Variants in PACSIN2 observed in about 807,000 individuals in gnomAD.
PACSIN2 encodes the protein protein kinase C and casein kinase substrate in neurons protein 2.
A neutral mutation model predicts 63.8 loss-of-function variants in PACSIN2; 25 were observed. The observed-to-expected ratio is 0.39, with a 90% CI of 0.29 to 0.55. PACSIN2 has a LOEUF of 0.55. PACSIN2 is among the 20% of genes least tolerant of loss of function. PACSIN2 has a pLI of 0.62. For missense variants in PACSIN2, 518 were observed against 646.9 expected (o/e 0.80, Z 2.16); for synonymous variants, 255 against 256.2 (o/e 1.00, Z 0.05).
In PACSIN2 at chr22:42,871,385, G is replaced by A. The variant is rs1354343021; in HGVS notation, c.1433C>T (p.Pro478Leu). The A allele has an allele frequency of 6.2e-7, 1 of 1,613,756 alleles. No individual in the cohort carries two copies. The highest frequency in any genetic ancestry group is 8.5e-7 in the Non-Finnish European group (1 of 1,179,670). ...RLDNGQVGLY[P>L]ANYVEAIQ ...CTGGATCGCCTCCACATAATTTGCC[G>A]GGTATAGGCCAACTTGCCCGTTGTC... The change falls in exon 11 of 11, where the codon CCG (proline) becomes CTG (leucine). Residue 478 changes from proline (P) to leucine (L), a missense_variant. By Grantham distance (98) the Pro-to-Leu change is moderately conservative (BLOSUM62 -3). Transcript: ENST00000263246. This position sits in a 1 kb window ranked among gnomAD's most constrained non-coding sequence, Gnocchi z 5.4.
chr22:42,983,964 C>CT (rs532427677), intron 1 of PACSIN2, among the ~76,000 whole-genome samples: 1,468 of 104,546 alleles, frequency 0.014, 29 homozygotes, highest in Non-Finnish European at 0.019. Flanking sequence ...GCACTTAGCA[C>CT]TTTTTTTTTT....
At chr22:42,872,387 G>C (rs1367140026) in intron 10 of PACSIN2, among the ~76,000 whole-genome samples, 1 of 152,248 alleles carries the variant, frequency 6.6e-6, no homozygotes, top group Non-Finnish European at 1.5e-5. Context: ...ACCTCGTCAG[G>C]AGCAAGCAAT....
intron 1 of PACSIN2, among the ~76,000 whole-genome samples, chr22:42,964,507 G>A (rs572910415): frequency 3.3e-5 from 5 of 152,002 alleles, no homozygotes; most frequent in South Asian, 4.2e-4. Context: ...GCAGTTCTGC[G>A]CTCGCCTCAG....
intron 2 of PACSIN2, among the ~76,000 whole-genome samples, chr22:42,902,766 A>G (rs919421486): frequency 2.6e-5 from 4 of 152,128 alleles, no homozygotes; most frequent in Admixed American, 2.6e-4. Flanking sequence ...GACATGCACC[A>G]CCACGCCTGG....
chr22:42,930,303 T>C (rs1314807350), intron 1 of PACSIN2, among the ~76,000 whole-genome samples: 1 of 152,232 alleles, frequency 6.6e-6, no homozygotes, highest in Non-Finnish European at 1.5e-5. Context: ...CTGCTACCTG[T>C]GCTCTCTGCC....
At chr22:42,999,398 G>C (rs1310568598) in intron 1 of PACSIN2, among the ~76,000 whole-genome samples, 1 of 152,196 alleles carries the variant, frequency 6.6e-6, no homozygotes, top group Non-Finnish European at 1.5e-5. Context: ...GGCCAGGCGT[G>C]GTGGCTCATG....
At chr22:42,897,103 A>C (rs1488643508) in intron 2 of PACSIN2, among the ~76,000 whole-genome samples, 1 of 151,808 alleles carries the variant, frequency 6.6e-6, no homozygotes, top group Non-Finnish European at 1.5e-5. Flanking sequence ...CACCTGGCTA[A>C]TTTTTGTATT....
chr22:42,924,105 T>A (rs1307999259), intron 1 of PACSIN2, among the ~76,000 whole-genome samples: 2 of 150,174 alleles, frequency 1.3e-5, no homozygotes, highest in Non-Finnish European at 3.0e-5. Flanking sequence ...GGCCCCATAC[T>A]AGAAGGAAGG....
At chr22:42,942,919 T>C (rs1412212173) in intron 1 of PACSIN2, among the ~76,000 whole-genome samples, 2 of 152,246 alleles carry the variant, frequency 1.3e-5, no homozygotes, top group Non-Finnish European at 2.9e-5. Flanking sequence ...ACAGGGATTT[T>C]AGAATTGGCT....
Position 42,891,146 on chromosome 22 carries a change from G to C in PACSIN2, c.254C>G (p.Ala85Gly). 1.2e-6 allele frequency: 2 copies of C among 1,613,988 alleles called. No individual in the cohort carries two copies. Among genetic ancestry groups the C allele is most frequent in the South Asian group, 1.1e-5 (1 of 91,072 alleles). The stretch of plus-strand genomic sequence containing the variant: ...CACCCTCTCTGCCTCGGACATGAAG[G>C]CCATCCAGGCCTTCTCCACGGTCCC... ...QYGTVEKAWM[A>G]FMSEAERVSE... is the part of the protein sequence containing the mutation. The change falls in exon 4 of 11, where the codon GCC becomes GGC. Residue 85 changes from alanine (A) to glycine (G), a missense_variant. This residue lies in a region of PACSIN2 where 507 missense variants were observed against 612.3 expected (regional missense o/e 0.83). Transcript: ENST00000263246.
At chr22:42,967,664 G>C (rs1045692340) in intron 1 of PACSIN2, among the ~76,000 whole-genome samples, 3 of 152,136 alleles carry the variant, frequency 2.0e-5, no homozygotes, top group African/African-American at 7.2e-5. Context: ...CGAGGCGGGC[G>C]GATCACGAGG....
At chr22:42,951,623 C>T (rs898782136) in intron 1 of PACSIN2, among the ~76,000 whole-genome samples, 2 of 152,194 alleles carry the variant, frequency 1.3e-5, no homozygotes, top group African/African-American at 4.8e-5. Flanking sequence ...CAGTGTCATC[C>T]CTGACTCCTC....
intron 1 of PACSIN2, among the ~76,000 whole-genome samples, chr22:42,941,755 G>A (rs1173035031): frequency 1.3e-5 from 2 of 152,054 alleles, no homozygotes; most frequent in Non-Finnish European, 2.9e-5. Context: ...TTATTGCTGA[G>A]TTTGGGGTTT....
chr22:42,998,668 C>A (rs73889015), intron 1 of PACSIN2, among the ~76,000 whole-genome samples: 1 of 152,124 alleles, frequency 6.6e-6, no homozygotes, highest in Non-Finnish European at 1.5e-5. Flanking sequence ...GATACAAACA[C>A]GAGGCAGAAG....
At chr22:42,909,221 G>A (rs774040998) in intron 2 of PACSIN2, among the ~76,000 whole-genome samples, 16 of 152,138 alleles carry the variant, frequency 1.1e-4, no homozygotes, top group Non-Finnish European at 1.8e-4. Context: ...GACCTGCCTA[G>A]TGTCTACCTT....
chr22:42,897,749 G>A (rs1331796103), intron 2 of PACSIN2, among the ~76,000 whole-genome samples: 1 of 152,202 alleles, frequency 6.6e-6, no homozygotes, highest in East Asian at 1.9e-4. Context: ...TAGGAGGAGG[G>A]GGTGAGAGGT....
intron 1 of PACSIN2, among the ~76,000 whole-genome samples, chr22:42,999,838 T>C (rs1254983637): frequency 2.0e-5 from 3 of 152,302 alleles, no homozygotes; most frequent in South Asian, 4.1e-4. Context: ...TATATTAAGC[T>C]TCTCTGAGCC....
At chr22:42,928,319 TC>T (rs1456446559) in intron 1 of PACSIN2, among the ~76,000 whole-genome samples, 1 of 152,188 alleles carries the variant, frequency 6.6e-6, no homozygotes, top group African/African-American at 2.4e-5. Flanking sequence ...CGATGAAATA[TC>T]ACCTGCCATC....
At chr22:42,895,993 C>T (rs1930250645) in intron 2 of PACSIN2, among the ~76,000 whole-genome samples, 1 of 152,226 alleles carries the variant, frequency 6.6e-6, no homozygotes, top group African/African-American at 2.4e-5. Context: ...GTCCCAGGAG[C>T]AGAGCTACTG....
Sources: allele counts gnomAD v4.1 joint callset (sites outside exome capture counted in the v4.1 genomes callset), GRCh38; gene constraint gnomAD v4.1.1; regional missense constraint gnomAD v4.1.1; non-coding constraint Gnocchi (gnomAD v3.1); transcripts MANE v1.5; gene names NCBI Gene and HGNC (gene_info 2026-07-23, HGNC 2026-07-21).